The following WWOX variants were observed in gnomAD, a reference collection of about 807,000 sequenced individuals.
WWOX encodes WW domain-containing oxidoreductase.
WWOX carries 69 observed loss-of-function variants against 46.2 expected under a neutral mutation model. That is an observed-to-expected ratio of 1.49 (90% CI 1.23 to 1.82). The LOEUF (loss-of-function observed/expected upper bound fraction) is 1.82. Among genes scored for constraint, WWOX ranks in the 40% most tolerant of loss-of-function variants. WWOX has a pLI of 0.00. For missense variants in WWOX, 919 were observed against 542.6 expected (o/e 1.69, Z -6.89); for synonymous variants, 359 against 202.6 (o/e 1.77, Z -6.56).
chr16:78,641,269 C>T (rs191692363), intron 8 of WWOX, among the ~76,000 whole-genome samples: 75 of 152,082 alleles, frequency 4.9e-4, no homozygotes, highest in African/African-American at 1.8e-3. Context: ...GCAGAGAAGC[C>T]CCCAGACCGG....
chr16:78,683,012 C>A (rs1156310672), intron 8 of WWOX, among the ~76,000 whole-genome samples: 1 of 152,104 alleles, frequency 6.6e-6, no homozygotes, highest in Non-Finnish European at 1.5e-5. Flanking sequence ...ATAAATGAAT[C>A]TGTAGGCTGC....
At position 78,599,783 on chromosome 16, in the gene WWOX, T is replaced by A. The variant is rs551240432; in HGVS notation, c.1056+167031T>A. 7.0e-4 allele frequency among the ~76,000 whole-genome samples: 107 copies of A among 152,058 alleles called. 1 individual carries two copies. The highest frequency in any genetic ancestry group is 1.1e-3 in the Non-Finnish European group (73 of 67,996). On this transcript the variant is annotated intron_variant, in intron 8 of 8. Coordinates refer to ENST00000566780, the MANE Select transcript of WWOX (RefSeq NM_016373.4). ...AGACTGGGGGTGCTGAAGAAGAGTCTCAGTCTCTGCACTCTGGGTCTTGCC... is the reference window on the plus strand; with the variant it reads ...AGACTGGGGGTGCTGAAGAAGAGTCACAGTCTCTGCACTCTGGGTCTTGCC...
At chr16:78,375,897 G>A (rs1188391139) in intron 5 of WWOX, among the ~76,000 whole-genome samples, 1 of 148,884 alleles carries the variant, frequency 6.7e-6, no homozygotes, top group South Asian at 2.1e-4. Flanking sequence ...TGTTGCCCAG[G>A]CTCGAGTGCA....
intron 8 of WWOX, among the ~76,000 whole-genome samples, chr16:79,023,918 T>G (rs1402560215): frequency 6.6e-6 from 1 of 151,866 alleles, no homozygotes; most frequent in East Asian, 1.9e-4. Flanking sequence ...ATTGTGCCAC[T>G]GCACTCCAGC....
intron 8 of WWOX, among the ~76,000 whole-genome samples, chr16:78,567,373 G>A (rs923678790): frequency 1.2e-4 from 18 of 150,254 alleles, no homozygotes; most frequent in African/African-American, 4.2e-4. Context: ...GTAAAACCCC[G>A]TCTCTACTAA....
intron 8 of WWOX, among the ~76,000 whole-genome samples, chr16:78,508,368 G>A (rs112108289): frequency 0.035 from 4,692 of 133,998 alleles, 298 homozygotes; most frequent in African/African-American, 0.13. Context: ...GTTAGTGTTA[G>A]TGTAGTTTAT....
At chr16:78,145,125 GT>G (rs1258039735) in intron 4 of WWOX, among the ~76,000 whole-genome samples, 2 of 152,154 alleles carry the variant, frequency 1.3e-5, no homozygotes, top group Admixed American at 6.5e-5. Context: ...TGTTGGCAGG[GT>G]TGGTTCCTTC....
chr16:78,334,871 C>T (rs76712113), intron 5 of WWOX, among the ~76,000 whole-genome samples: 10,404 of 148,300 alleles, frequency 0.07, 1,128 homozygotes, highest in African/African-American at 0.23. Context: ...CACCAAATCA[C>T]ACCTGAACAA....
At chr16:78,627,774 A>G (rs2046343594) in intron 8 of WWOX, among the ~76,000 whole-genome samples, 2 of 152,314 alleles carry the variant, frequency 1.3e-5, no homozygotes, top group South Asian at 2.1e-4. Flanking sequence ...TGACTAGACA[A>G]AAGGTGCAGA....
chr16:78,393,774 C>A (rs1452359873), intron 6 of WWOX, among the ~76,000 whole-genome samples: 4 of 151,818 alleles, frequency 2.6e-5, no homozygotes, highest in African/African-American at 9.7e-5. Flanking sequence ...CTTTCTGTCA[C>A]CGGTATAATT....
chr16:78,842,126 A>G (rs868234238), intron 8 of WWOX, among the ~76,000 whole-genome samples: 6 of 152,122 alleles, frequency 3.9e-5, no homozygotes, highest in Non-Finnish European at 8.8e-5. Context: ...TCAGCAATGT[A>G]TCTCTTAAAG....
chr16:78,540,461 G>C (rs897239873), intron 8 of WWOX, among the ~76,000 whole-genome samples: 1 of 152,214 alleles, frequency 6.6e-6, no homozygotes, highest in East Asian at 1.9e-4. Flanking sequence ...GGCATTACTA[G>C]TACTCAGGAA....
intron 8 of WWOX, among the ~76,000 whole-genome samples, chr16:78,856,736 A>G (rs892211117): frequency 6.6e-6 from 1 of 152,234 alleles, no homozygotes; most frequent in African/African-American, 2.4e-5. Context: ...CTTATGAAAT[A>G]GAAATATACA....
chr16:78,383,935 T>C (rs1185329826), intron 5 of WWOX, among the ~76,000 whole-genome samples: 1 of 152,182 alleles, frequency 6.6e-6, no homozygotes, highest in Non-Finnish European at 1.5e-5. Flanking sequence ...GATTTTCTTC[T>C]TATTGATAGT....
intron 8 of WWOX, chr16:78,898,709 C>G (rs1005597027): frequency 6.6e-6 from 1 of 152,042 alleles, no homozygotes; most frequent in Non-Finnish European, 1.5e-5. Context: ...TGAGGAGGAT[C>G]AAAATCCTGA....
chr16:78,938,254 G>T (rs566377890), intron 8 of WWOX, among the ~76,000 whole-genome samples: 110 of 152,308 alleles, frequency 7.2e-4, no homozygotes, highest in African/African-American at 2.5e-3. Flanking sequence ...GGTGAGGTGG[G>T]GAAAGACAGG....
intron 4 of WWOX, among the ~76,000 whole-genome samples, chr16:78,159,299 T>G (rs780681788): frequency 2.6e-5 from 4 of 152,192 alleles, no homozygotes; most frequent in Non-Finnish European, 5.9e-5. Flanking sequence ...GATCCTGATT[T>G]GAGTTCCTTT....
At chr16:78,307,579 G>A (rs1367711985) in intron 5 of WWOX, among the ~76,000 whole-genome samples, 1 of 152,220 alleles carries the variant, frequency 6.6e-6, no homozygotes, top group East Asian at 1.9e-4. Flanking sequence ...AACCAGCTGT[G>A]CTGACACCTT....
At chr16:78,568,158 T>C (rs925859600) in intron 8 of WWOX, among the ~76,000 whole-genome samples, 4 of 152,176 alleles carry the variant, frequency 2.6e-5, no homozygotes, top group Admixed American at 6.5e-5. Context: ...TTCTAAAATA[T>C]GCCACTTTCA....
Sources: allele counts gnomAD v4.1 joint callset (sites outside exome capture counted in the v4.1 genomes callset), GRCh38; gene constraint gnomAD v4.1.1; transcripts MANE v1.5; gene names NCBI Gene and HGNC (gene_info 2026-07-23, HGNC 2026-07-21).